The following PRKDC variants were observed in gnomAD, a reference collection of about 807,000 sequenced individuals.
PRKDC encodes the protein protein kinase, DNA-activated, catalytic subunit.
In PRKDC, 82 loss-of-function variants were observed where a neutral mutation model predicts 486.9. The observed-to-expected ratio is 0.17, with a 90% CI of 0.14 to 0.20. PRKDC has a LOEUF of 0.20. PRKDC is among the 10% of genes least tolerant of loss of function. The pLI is 1.00. For synonymous variants in PRKDC, 1,895 were observed against 1,837.0 expected, an observed-to-expected ratio of 1.03 and a Z score of -0.81; for missense variants, 4,504 against 5,038.2, an observed-to-expected ratio of 0.89 and a Z score of 3.21.
chr8:47,800,649 T>C, intron 71 of PRKDC, 144 bp downstream of exon 71: 2 of 570,706 alleles, frequency 3.5e-6, no homozygotes, highest in South Asian at 6.1e-5. Context: ...AATACATAAA[T>C]AAAAAGAAAA....
At chr8:47,950,106 T>C (rs556727532) in intron 7 of PRKDC, among the ~76,000 whole-genome samples, 14 of 151,318 alleles carry the variant, frequency 9.3e-5, no homozygotes, top group African/African-American at 3.4e-4. Context: ...ACCCCATCTT[T>C]ACTAAAAATA....
At chr8:47,791,724 G>C (rs2086887281) in intron 74 of PRKDC, among the ~76,000 whole-genome samples, 1 of 152,152 alleles carries the variant, frequency 6.6e-6, no homozygotes, top group African/African-American at 2.4e-5. Flanking sequence ...TAAGGATGTA[G>C]AGAGAGGAAC....
Position 47,858,551 on chromosome 8 carries a change from G to C in PRKDC, c.6430C>G (p.Leu2144Val). 3 of 1,542,592 alleles carry C rather than the reference G, an allele frequency of 1.9e-6. No individual in the cohort carries two copies. The highest frequency in any genetic ancestry group is 1.8e-6 in the Non-Finnish European group (2 of 1,137,770). Residue 2144 changes from leucine (L) to valine (V), a missense_variant, in exon 48 of 86, where the codon CTC (leucine) becomes GTC (valine). Physicochemically the swap from Leu to Val is conservative, Grantham distance 32. This residue lies in a region of PRKDC where 1,592 missense variants were observed against 1,724.6 expected (regional missense o/e 0.92). Coordinates refer to ENST00000314191, the MANE Select transcript of PRKDC (RefSeq NM_006904.7). ...GNPIVPLNIR[L>V]FLAKLVINTE... ...TTAATAACAAGCTTGGCTAAGAAGAGACGGATATTTAATGGTACTATTGGA... is the reference window on the plus strand; with the variant it reads ...TTAATAACAAGCTTGGCTAAGAAGACACGGATATTTAATGGTACTATTGGA...
In PRKDC at chr8:47,857,212, T is replaced by C. The variant is rs754219190; in HGVS notation, c.6553A>G (p.Met2185Val). ...ATAGTGGCCACTATCTCAACCACCA[T>C]GTAGTGAATTCCTTCTCCTCCATTG... ...ENNGGEGIHY[M>V]VVEIVATILS... The change falls in exon 49 of 86, where the codon ATG becomes GTG. Residue 2185 changes from methionine to valine, a missense_variant. Coordinates refer to ENST00000314191, the MANE Select transcript of PRKDC (RefSeq NM_006904.7). The C allele has an allele frequency of 2.8e-5, 45 of 1,613,928 alleles. No individual in the cohort carries two copies. Among genetic ancestry groups the C allele is most frequent in the Non-Finnish European group, 3.7e-5 (44 of 1,179,902 alleles).
At chr8:47,888,756 A>G in intron 33 of PRKDC, 106 bp from the exon 34 acceptor site, 1 of 1,391,810 alleles carries the variant, frequency 7.2e-7, no homozygotes, top group Non-Finnish European at 9.5e-7. Flanking sequence ...CAGAGGCAAC[A>G]TCTAACAGGA....
rs140363166 is a variant in PRKDC at position 47,932,407 on chromosome 8, C to T, written c.1776+613G>A. Reference sequence around the variant, plus strand: ...CTTTTTTTGTATTTTTTAGTAGAGACGGGGTTTCATCGTGTTAGCCAGGAT... The same window carrying T: ...CTTTTTTTGTATTTTTTAGTAGAGATGGGGTTTCATCGTGTTAGCCAGGAT... On this transcript the variant is annotated intron_variant, in intron 16 of 85. Coordinates refer to ENST00000314191, the MANE Select transcript of PRKDC (RefSeq NM_006904.7). 7.4e-3 allele frequency among the ~76,000 whole-genome samples: 1,125 copies of T among 151,200 alleles called. 18 individuals are homozygous for T. Among genetic ancestry groups the T allele is most frequent in the African/African-American group, 0.026 (1,086 of 41,158 alleles).
At chr8:47,778,091 C>T (rs998419327) in intron 83 of PRKDC, among the ~76,000 whole-genome samples, 1 of 152,136 alleles carries the variant, frequency 6.6e-6, no homozygotes, top group African/African-American at 2.4e-5. Context: ...GTGCACAGGA[C>T]ACAGGGCCGC....
chr8:47,869,454 C>G (rs1350285320), intron 40 of PRKDC, among the ~76,000 whole-genome samples: 1 of 151,574 alleles, frequency 6.6e-6, no homozygotes, highest in African/African-American at 2.4e-5. Flanking sequence ...AAGGGAAGGG[C>G]TCAGTCTGAT....
Position 47,893,383 on chromosome 8 carries a change from G to C in PRKDC, c.3603C>G (p.Asn1201Lys). 6.6e-7 allele frequency: 1 copy of C among 1,506,180 alleles called. No individual in the cohort carries two copies. The highest frequency in any genetic ancestry group is 8.9e-7 in the Non-Finnish European group (1 of 1,121,740). The allele number at this position is 1,506,180 out of a possible 1,614,324, so 93.3% of individuals were successfully genotyped here. A position where few individuals can be genotyped will look rare whatever the true frequency, so the allele number is the denominator to read the frequency against. Residue 1201 changes from asparagine (N) to lysine (K), a missense_variant, in exon 31 of 86, where the codon AAC (asparagine) becomes AAG (lysine). Transcript: ENST00000314191. The stretch of plus-strand genomic sequence containing the variant: ...CTTTCAGCCACAAATTAGGGGATCT[G>C]TTGCCTTTAAAAAGAAACAAAATTA... ...FYKFVPLLPGNRSPNLWLKDV... is the reference protein window; with the variant it reads ...FYKFVPLLPGKRSPNLWLKDV...
intron 49 of PRKDC, among the ~76,000 whole-genome samples, 186 bp from the exon 50 acceptor site, chr8:47,855,559 G>A (rs1415772137): frequency 1.3e-5 from 2 of 152,208 alleles, no homozygotes; most frequent in East Asian, 1.9e-4. Context: ...AGGCACCGCC[G>A]GCGCTGCAAT....
chr8:47,807,540 T>TC (rs2154498500), intron 68 of PRKDC, among the ~76,000 whole-genome samples: 1 of 152,114 alleles, frequency 6.6e-6, no homozygotes, highest in East Asian at 1.9e-4. Flanking sequence ...TGCCTCAGCC[T>TC]CCTGAGTAGC....
intron 74 of PRKDC, 78 bp from the exon 75 acceptor site, chr8:47,789,316 T>C (rs1318399634): frequency 5.8e-6 from 3 of 520,642 alleles, no homozygotes; most frequent in African/African-American, 2.0e-5. Flanking sequence ...ACCATACATA[T>C]ATAAGTTATA....
chr8:47,783,218 C>T lies in PRKDC; in HGVS notation c.11175+524G>A, dbSNP rs887481066. Reference sequence around the variant, plus strand: ...GCCCGAACCCAGGGTGTGGAGGTTGCAACGAGCTGAGAATGGGCCACTGCA... The same window carrying T: ...GCCCGAACCCAGGGTGTGGAGGTTGTAACGAGCTGAGAATGGGCCACTGCA... On this transcript the variant is annotated intron_variant, in intron 78 of 85. Coordinates refer to ENST00000314191, the MANE Select transcript of PRKDC (RefSeq NM_006904.7). Among the ~76,000 whole-genome samples, 9 of 143,354 alleles carry T rather than the reference C, an allele frequency of 6.3e-5. No individual in the cohort carries two copies. In the South Asian group the frequency reaches 2.0e-3, roughly 32 times the overall value. The allele number at this position is 143,354 out of a possible 152,430, so 94.0% of individuals were successfully genotyped here.
At chr8:47,950,239 T>A (rs1298875694) in intron 7 of PRKDC, among the ~76,000 whole-genome samples, 1 of 146,728 alleles carries the variant, frequency 6.8e-6, no homozygotes, top group African/African-American at 2.5e-5. Flanking sequence ...GCCATTGCAC[T>A]CCAGGCTGGG....
intron 62 of PRKDC, 56 bp downstream of exon 62, chr8:47,828,112 G>C (rs573448116): frequency 6.6e-7 from 1 of 1,506,962 alleles, no homozygotes; most frequent in African/African-American, 1.4e-5. Flanking sequence ...TGATGGAAAG[G>C]CCATGTGAAG....
At chr8:47,897,951 G>A (rs1168160184) in intron 29 of PRKDC, among the ~76,000 whole-genome samples, 1 of 152,158 alleles carries the variant, frequency 6.6e-6, no homozygotes, top group Admixed American at 6.5e-5. Flanking sequence ...CTTATGGAGG[G>A]CACTCACCCT....
In PRKDC at chr8:47,877,844, T is replaced by C. The variant is rs2089122362; in HGVS notation, c.5243A>G (p.Asp1748Gly). The C allele has an allele frequency of 4.7e-6, 7 of 1,486,786 alleles. No individual in the cohort carries two copies. The highest frequency in any genetic ancestry group is 6.3e-6 in the Non-Finnish European group (7 of 1,113,556). 92.1% of individuals were successfully genotyped at this position (1,486,786 alleles called of 1,614,324 possible). The change falls in exon 40 of 86, where the codon GAT becomes GGT. Residue 1748 changes from aspartate (D) to glycine (G), a missense_variant. Around this residue, in one of 6 missense-constraint regions of PRKDC, gnomAD observed 1,969 missense variants for 2,068.9 expected, o/e 0.95. Transcript: ENST00000314191. ...AGGGCTTTGAGATAATTCCAATGCA[T>C]CTAGAAACTAGAAAAAATACATCAA... ...NYVDCMKKFL[D>G]ALELSQSPML...
chr8:47,869,849 G>A (rs1262205047), intron 40 of PRKDC, among the ~76,000 whole-genome samples: 1 of 152,104 alleles, frequency 6.6e-6, no homozygotes. Flanking sequence ...ACCACAAGCT[G>A]ACTACAGAGC....
At chr8:47,787,531 A>C (rs2086810660) in intron 76 of PRKDC, among the ~76,000 whole-genome samples, 1 of 152,214 alleles carries the variant, frequency 6.6e-6, no homozygotes, top group Non-Finnish European at 1.5e-5. Context: ...ATTTGGTACA[A>C]GGTGGAAAAG....
Sources: gnomAD v4.1 joint callset for allele counts (sites outside exome capture counted in the v4.1 genomes callset) on GRCh38, gnomAD v4.1.1 for gene constraint, gnomAD v4.1.1 regional missense constraint, MANE v1.5 for transcripts, NCBI Gene and HGNC (gene_info 2026-07-23, HGNC 2026-07-21) for gene names.